Variants in CLHC1 observed in about 807,000 individuals in gnomAD.
The protein encoded by CLHC1 is clathrin heavy chain linker domain-containing protein 1.
Under a neutral mutation model 69.5 loss-of-function variants are expected in CLHC1, and 72 were observed. That is an observed-to-expected ratio of 1.04 (90% CI 0.86 to 1.26). The LOEUF (loss-of-function observed/expected upper bound fraction) is 1.26, where lower values mean the gene tolerates loss of function less well. CLHC1 is among the 50% of genes most tolerant of loss of function. CLHC1 has a pLI of 0.00. For missense variants in CLHC1, 790 were observed against 679.3 expected (o/e 1.16, Z -1.81); for synonymous variants, 223 against 224.3 (o/e 0.99, Z 0.05).
chr2:55,223,065 G>A (rs1210861828), intron 2 of CLHC1, among the ~76,000 whole-genome samples: 1 of 151,870 alleles, frequency 6.6e-6, no homozygotes, highest in East Asian at 1.9e-4. Flanking sequence ...TATAATCGAT[G>A]GTTTCTTATG....
At chr2:55,213,343 G>A (rs551780380) in intron 4 of CLHC1, among the ~76,000 whole-genome samples, 1 of 152,246 alleles carries the variant, frequency 6.6e-6, no homozygotes, top group African/African-American at 2.4e-5. Flanking sequence ...TGCCTCTATG[G>A]TCATACTGCC....
chr2:55,188,152 A>G (rs1001190599), intron 9 of CLHC1, among the ~76,000 whole-genome samples: 5 of 152,096 alleles, frequency 3.3e-5, no homozygotes, highest in Non-Finnish European at 7.4e-5. Flanking sequence ...CATCTGTACA[A>G]AAAATTTTTA....
chr2:55,188,154 A>C (rs528647597), intron 9 of CLHC1, among the ~76,000 whole-genome samples: 26 of 152,210 alleles, frequency 1.7e-4, no homozygotes, highest in African/African-American at 5.1e-4. Context: ...TCTGTACAAA[A>C]AATTTTTAAA....
chr2:55,203,921 G>A (rs907236222), intron 9 of CLHC1, among the ~76,000 whole-genome samples: 3 of 152,156 alleles, frequency 2.0e-5, no homozygotes, highest in Non-Finnish European at 4.4e-5. Context: ...CTAACAAGGA[G>A]TTCATAACCA....
chr2:55,193,547 T>C (rs1427931887), intron 9 of CLHC1, among the ~76,000 whole-genome samples: 2 of 152,142 alleles, frequency 1.3e-5, no homozygotes, highest in South Asian at 2.1e-4. Flanking sequence ...ATGCCTAACA[T>C]TACTAGTCAT....
In CLHC1 at chr2:55,222,441, A is replaced by C. The variant is rs1362427425; in HGVS notation, c.-30T>G. 6.9e-6 allele frequency: 11 copies of C among 1,585,348 alleles called. No homozygotes were observed. The highest frequency in any genetic ancestry group is 1.8e-5 in the Admixed American group (1 of 56,398). ...GACAATCTGCACACTTGTTCACTGA[A>C]GAACAGCTAAATCTTGACCTGCTCT... On this transcript the variant is annotated 5_prime_UTR_variant, in exon 3 of 13. Transcript: ENST00000401408.
At chr2:55,182,478 T>G (rs1226947792) in intron 9 of CLHC1, among the ~76,000 whole-genome samples, 2 of 152,178 alleles carry the variant, frequency 1.3e-5, no homozygotes, top group Admixed American at 1.3e-4. Context: ...GACTGTCAAT[T>G]TGAACTCTTA....
chr2:55,206,903 GAGACCATCC>G (rs1672500463), intron 8 of CLHC1: 1 of 151,920 alleles, frequency 6.6e-6, no homozygotes, highest in Non-Finnish European at 1.5e-5. Flanking sequence ...TCAGGAGATC[GAGACCATCC>G]TGGCTAAGAT....
chr2:55,181,612 TC>T lies in CLHC1; in HGVS notation c.1138del (p.Glu380LysfsTer4). The T allele has an allele frequency of 6.2e-7, 1 of 1,613,008 alleles. No individual in the cohort carries two copies. Among genetic ancestry groups the T allele is most frequent in the Non-Finnish European group, 8.5e-7 (1 of 1,179,754 alleles). The stretch of plus-strand genomic sequence containing the variant: ...ATTGGTAACTAAATCTAACCGTTTT[TC>T]TGATAATCCACATTTGATTCCTTCC... ...TLEGIKCGLS[E>X]KRLDLVTNWV... On this transcript the variant is annotated frameshift_variant, in exon 10 of 13. Coordinates refer to ENST00000401408, the MANE Select transcript of CLHC1 (RefSeq NM_152385.4). LOFTEE classifies it high-confidence loss of function.
In CLHC1 at chr2:55,174,223, G is replaced by A. The variant is rs929096101; in HGVS notation, c.*1567C>T. Among the ~76,000 whole-genome samples, 2 of 152,056 alleles carry A rather than the reference G, an allele frequency of 1.3e-5. No homozygotes were observed. Among genetic ancestry groups the A allele is most frequent in the Admixed American group, 6.6e-5 (1 of 15,258 alleles). ...ACATGTATTACTTTAAAAATGCTAC[G>A]TTTTAGAAAGCTGAATTATAATTAT... On this transcript the variant is annotated 3_prime_UTR_variant, in exon 13 of 13. Transcript: ENST00000401408.
intron 1 of CLHC1, among the ~76,000 whole-genome samples, chr2:55,230,358 C>T (rs185314481): frequency 9.2e-5 from 14 of 152,166 alleles, no homozygotes; most frequent in Admixed American, 9.2e-4. Context: ...ATGGGAATTG[C>T]CATATATAAA....
In CLHC1 at chr2:55,173,232, T is replaced by C. The variant is rs1669106465; in HGVS notation, c.*2558A>G. Among the ~76,000 whole-genome samples the C allele has an allele frequency of 6.6e-6, 1 of 152,236 alleles. No homozygotes were observed. The highest frequency in any genetic ancestry group is 2.4e-5 in the African/African-American group (1 of 41,472). ...TAAATCTTCATTGGAACAATTCAAA[T>C]GTTAAAAGGCATTTTTAGCAACTGG... On this transcript the variant is annotated 3_prime_UTR_variant, in exon 13 of 13. Transcript: ENST00000401408.
In CLHC1 at chr2:55,173,946, A is replaced by AT. The variant is rs1669165186; in HGVS notation, c.*1843dup. Among the ~76,000 whole-genome samples the AT allele has an allele frequency of 1.3e-5, 2 of 149,570 alleles. No homozygotes were observed. The highest frequency in any genetic ancestry group is 6.8e-5 in the Admixed American group (1 of 14,754). On this transcript the variant is annotated 3_prime_UTR_variant, in exon 13 of 13. Coordinates refer to ENST00000401408, the MANE Select transcript of CLHC1 (RefSeq NM_152385.4). ...TTATCCTCCTGGCTTTCATGAAGACATTTTTTTTTCTAAGCTCTGTCAATG... is the reference window on the plus strand; with the variant it reads ...TTATCCTCCTGGCTTTCATGAAGACATTTTTTTTTTCTAAGCTCTGTCAATG...
intron 3 of CLHC1, among the ~76,000 whole-genome samples, chr2:55,221,866 A>G (rs1437390): frequency 0.32 from 49,410 of 152,050 alleles, 8,299 homozygotes; most frequent in African/African-American, 0.4. Flanking sequence ...AGTCCCAGCT[A>G]TACAGGAGGC....
chr2:55,211,786 C>G (rs1673036867), intron 5 of CLHC1, among the ~76,000 whole-genome samples: 1 of 152,108 alleles, frequency 6.6e-6, no homozygotes, highest in African/African-American at 2.4e-5. Context: ...ATCCACTCAT[C>G]GTAAAAACCT....
At chr2:55,178,276 AT>A (rs1293376567) in intron 11 of CLHC1, among the ~76,000 whole-genome samples, 1 of 152,136 alleles carries the variant, frequency 6.6e-6, no homozygotes, top group Non-Finnish European at 1.5e-5. Context: ...CAACTCAGTA[AT>A]TTTTTTCCTA....
intron 9 of CLHC1, among the ~76,000 whole-genome samples, chr2:55,202,446 C>T (rs984490260): frequency 2.0e-5 from 3 of 151,506 alleles, no homozygotes; most frequent in Non-Finnish European, 4.4e-5. Flanking sequence ...ATCCCAGGTA[C>T]TCGGGAGGCT....
chr2:55,183,931 C>T (rs1055720995), intron 9 of CLHC1, among the ~76,000 whole-genome samples: 2 of 152,120 alleles, frequency 1.3e-5, no homozygotes, highest in African/African-American at 2.4e-5. Flanking sequence ...CAGGTGCGTG[C>T]TACCACGCCC....
At position 55,181,659 on chromosome 2, in the gene CLHC1, A is replaced by G. The variant is rs947727581; in HGVS notation, c.1092T>C (p.Pro364=). 7.4e-6 allele frequency: 12 copies of G among 1,613,750 alleles called. No individual in the cohort carries two copies. The highest frequency in any genetic ancestry group is 3.3e-5 in the Admixed American group (2 of 60,000). Residue 364 remains proline (P), a synonymous_variant, in exon 10 of 13, where the codon CCT becomes CCC. Transcript: ENST00000401408. ...CTTCCAGGGTTAGAGCTGCATCAAC[A>G]GGACATGGAAAAGCATGACTTGTGA... ...LFITSHAFPC[P]VDAALTLEGI...
Sources: gnomAD v4.1 joint callset for allele counts (sites outside exome capture counted in the v4.1 genomes callset) on GRCh38, gnomAD v4.1.1 for gene constraint, MANE v1.5 for transcripts, NCBI Gene and HGNC (gene_info 2026-07-23, HGNC 2026-07-21) for gene names.